The following GALNT13 variants were observed in gnomAD, a reference collection of about 807,000 sequenced individuals.
GALNT13 encodes the protein UDP-GalNAc:polypeptide N-acetylgalactosaminyltransferase 13.
A neutral mutation model predicts 64.2 loss-of-function variants in GALNT13; 28 were observed. The observed-to-expected ratio is 0.44, with a 90% CI of 0.32 to 0.60. The LOEUF is 0.60. Ranked by LOEUF, GALNT13 falls within the 20% of genes least tolerant of loss-of-function variation. The pLI is 0.05. For synonymous variants in GALNT13, 214 were observed against 224.6 expected (o/e 0.95, Z 0.42); for missense variants, 577 against 669.8 (o/e 0.86, Z 1.53).
chr2:153,133,672 G>C, the GALNT13 span, among the ~76,000 whole-genome samples: 1 of 152,072 alleles, frequency 6.6e-6, no homozygotes, highest in Admixed American at 6.6e-5. Flanking sequence ...TTGTTCTGAA[G>C]TTAATTGTTC....
intron 12 of GALNT13, among the ~76,000 whole-genome samples, chr2:154,445,609 A>C (rs1052854746): frequency 6.6e-6 from 1 of 152,028 alleles, no homozygotes; most frequent in African/African-American, 2.4e-5. Flanking sequence ...AATATTAACT[A>C]CATAGTTAAT....
At chr2:153,486,146 C>T in the GALNT13 span, among the ~76,000 whole-genome samples, 3 of 152,072 alleles carry the variant, frequency 2.0e-5, no homozygotes, top group African/African-American at 7.2e-5. Flanking sequence ...CCATGTTGGC[C>T]AAGCTGGTCT....
intron 3 of GALNT13, among the ~76,000 whole-genome samples, chr2:153,980,517 T>C (rs537209063): frequency 4.0e-4 from 61 of 152,208 alleles, no homozygotes; most frequent in African/African-American, 1.4e-3. Flanking sequence ...TTGGGATGTT[T>C]GTAAATTGTT....
intron 9 of GALNT13, among the ~76,000 whole-genome samples, chr2:154,383,166 G>C (rs799791): frequency 0.4 from 60,897 of 151,562 alleles, 12,427 homozygotes; most frequent in South Asian, 0.48. Flanking sequence ...CAGAAAATAG[G>C]CTAGCCTACT....
intron 3 of GALNT13, among the ~76,000 whole-genome samples, chr2:153,998,431 TA>T (rs1307122897): frequency 6.6e-6 from 1 of 152,212 alleles, no homozygotes; most frequent in African/African-American, 2.4e-5. Flanking sequence ...GTTGACAGCA[TA>T]AAGGTCTTCT....
chr2:153,108,273 C>G, the GALNT13 span, among the ~76,000 whole-genome samples: 1 of 152,092 alleles, frequency 6.6e-6, no homozygotes, highest in Non-Finnish European at 1.5e-5. Flanking sequence ...TTAAAAAGAA[C>G]AAGTTTTTTT....
chr2:153,278,107 T>A, the GALNT13 span, among the ~76,000 whole-genome samples: 3 of 151,626 alleles, frequency 2.0e-5, no homozygotes, highest in African/African-American at 7.2e-5. Context: ...TTTGTATTTT[T>A]AATAGAGACA....
At chr2:153,707,671 C>T in the GALNT13 span, among the ~76,000 whole-genome samples, 6 of 152,180 alleles carry the variant, frequency 3.9e-5, no homozygotes, top group African/African-American at 1.2e-4. Context: ...TCCTCGTCTA[C>T]CACTTCTTAT....
chr2:153,290,444 G>T, the GALNT13 span, among the ~76,000 whole-genome samples: 1 of 152,104 alleles, frequency 6.6e-6, no homozygotes, highest in Admixed American at 6.5e-5. Flanking sequence ...AAAGAAATTT[G>T]GTGGCACTGG....
At chr2:153,485,025 ATGGT>A in the GALNT13 span, among the ~76,000 whole-genome samples, 1 of 152,216 alleles carries the variant, frequency 6.6e-6, no homozygotes, top group Non-Finnish European at 1.5e-5. Flanking sequence ...TTTTAAAATT[ATGGT>A]TGCAAGTTTG....
chr2:153,241,167 C>T, the GALNT13 span, among the ~76,000 whole-genome samples: 1 of 147,844 alleles, frequency 6.8e-6, no homozygotes, highest in Non-Finnish European at 1.5e-5. Flanking sequence ...CTCAGAAAAC[C>T]CTCCTTATTT....
the GALNT13 span, among the ~76,000 whole-genome samples, chr2:153,333,175 C>A: frequency 1.3e-5 from 2 of 152,212 alleles, no homozygotes; most frequent in Non-Finnish European, 2.9e-5. Flanking sequence ...AAATAATTTT[C>A]TTCTCTCAGT....
the GALNT13 span, among the ~76,000 whole-genome samples, chr2:153,174,388 C>T: frequency 1.4e-4 from 22 of 152,078 alleles, no homozygotes; most frequent in Non-Finnish European, 2.9e-4. Flanking sequence ...CTAATTGGAT[C>T]CACAAATCAC....
At chr2:153,767,670 G>A in the GALNT13 span, among the ~76,000 whole-genome samples, 1 of 152,042 alleles carries the variant, frequency 6.6e-6, no homozygotes, top group Admixed American at 6.5e-5. Context: ...ATATTTCATT[G>A]TGGACTTAAT....
chr2:153,259,351 A>G, the GALNT13 span, among the ~76,000 whole-genome samples: 1 of 151,334 alleles, frequency 6.6e-6, no homozygotes, highest in Non-Finnish European at 1.5e-5. Context: ...AGAACAGATC[A>G]TTAGGTCTTG....
chr2:153,767,360 C>T, the GALNT13 span, among the ~76,000 whole-genome samples: 4 of 152,076 alleles, frequency 2.6e-5, no homozygotes, highest in Non-Finnish European at 5.9e-5. Flanking sequence ...CTTTGATGGA[C>T]ACTTAGTTGG....
chr2:154,163,927 A>T (rs1440407079), intron 4 of GALNT13, among the ~76,000 whole-genome samples: 1 of 152,164 alleles, frequency 6.6e-6, no homozygotes, highest in Non-Finnish European at 1.5e-5. Flanking sequence ...ATAAAATAAT[A>T]GTATTGACTT....
At chr2:154,436,442 A>G (rs1041901457) in intron 11 of GALNT13, 2 of 152,218 alleles carry the variant, frequency 1.3e-5, no homozygotes, top group African/African-American at 4.8e-5. Context: ...GAGCCATTAG[A>G]AAATTAAGGC....
chr2:154,145,923 C>T (rs1158326488), intron 4 of GALNT13, among the ~76,000 whole-genome samples: 1 of 151,842 alleles, frequency 6.6e-6, no homozygotes, highest in Non-Finnish European at 1.5e-5. Flanking sequence ...AATTGGATTT[C>T]CAATCTCTGT....
Sources: allele counts gnomAD v4.1 joint callset (sites outside exome capture counted in the v4.1 genomes callset), GRCh38; gene constraint gnomAD v4.1.1; transcripts MANE v1.5; gene names NCBI Gene and HGNC (gene_info 2026-07-23, HGNC 2026-07-21).